The following STXBP5L variants were observed in gnomAD, a reference collection of about 807,000 sequenced individuals.
STXBP5L encodes the protein syntaxin-binding protein 5-like.
STXBP5L carries 65 observed loss-of-function variants against 144.5 expected under a neutral mutation model. The observed-to-expected ratio is 0.45, with a 90% CI of 0.37 to 0.55. The LOEUF (loss-of-function observed/expected upper bound fraction) is 0.55. Ranked by LOEUF, STXBP5L falls within the 20% of genes least tolerant of loss-of-function variation. The probability of loss-of-function intolerance (pLI) is 0.00; values close to 1 mark genes in which losing one functional copy is unlikely to be tolerated. For synonymous variants in STXBP5L, 505 were observed against 469.6 expected (o/e 1.08, Z -0.97); for missense variants, 1,298 against 1,405.5 (o/e 0.92, Z 1.22).
At chr3:121,293,036 A>C (rs112679125) in intron 19 of STXBP5L, among the ~76,000 whole-genome samples, 2,515 of 152,324 alleles carry the variant, frequency 0.017, 64 homozygotes, top group African/African-American at 0.057. Context: ...AAACGAAAAA[A>C]AAATTTTAAA....
chr3:121,067,952 T>A (rs1007685421), intron 5 of STXBP5L, among the ~76,000 whole-genome samples: 1 of 152,272 alleles, frequency 6.6e-6, no homozygotes, highest in African/African-American at 2.4e-5. Context: ...TATATTATTG[T>A]CAATGTCTTC....
At chr3:121,107,818 A>G (rs941333421) in intron 5 of STXBP5L, among the ~76,000 whole-genome samples, 7 of 152,170 alleles carry the variant, frequency 4.6e-5, no homozygotes, top group Non-Finnish European at 8.8e-5. Context: ...GGCCATTTTC[A>G]CAATATTGAT....
chr3:120,966,561 G>A (rs1939603846), intron 3 of STXBP5L, among the ~76,000 whole-genome samples: 1 of 152,132 alleles, frequency 6.6e-6, no homozygotes, highest in South Asian at 2.1e-4. Flanking sequence ...GTCTTTTGGA[G>A]TTTGCTGGAA....
chr3:121,015,826 TG>T (rs1157485848), intron 3 of STXBP5L, among the ~76,000 whole-genome samples: 1 of 152,190 alleles, frequency 6.6e-6, no homozygotes, highest in African/African-American at 2.4e-5. Flanking sequence ...TCTCATCAGA[TG>T]GGGGCAAAAG....
chr3:121,133,825 T>G (rs1470445697), intron 7 of STXBP5L, among the ~76,000 whole-genome samples: 1 of 152,116 alleles, frequency 6.6e-6, no homozygotes, highest in Non-Finnish European at 1.5e-5. Flanking sequence ...AAGCAAGGCA[T>G]GTCTTACATG....
intron 2 of STXBP5L, among the ~76,000 whole-genome samples, chr3:120,926,816 G>T (rs1424317968): frequency 2.0e-5 from 3 of 152,052 alleles, no homozygotes; most frequent in African/African-American, 7.2e-5. Flanking sequence ...TTTAGCTGTT[G>T]AGGGCCTCTA....
chr3:121,248,245 G>A (rs1006464605), intron 14 of STXBP5L, among the ~76,000 whole-genome samples: 11 of 152,034 alleles, frequency 7.2e-5, no homozygotes, highest in Admixed American at 5.2e-4. Flanking sequence ...TGCACTTTTA[G>A]TAGAGACAGG....
At chr3:120,956,623 T>C (rs1938064856) in intron 3 of STXBP5L, among the ~76,000 whole-genome samples, 1 of 151,950 alleles carries the variant, frequency 6.6e-6, no homozygotes, top group South Asian at 2.1e-4. Context: ...ATGAATAATA[T>C]TGCTATGAAC....
At chr3:121,078,914 C>G (rs2042140734) in intron 5 of STXBP5L, among the ~76,000 whole-genome samples, 2 of 152,256 alleles carry the variant, frequency 1.3e-5, no homozygotes. Context: ...ACGCGCAGCC[C>G]CAGTTCCCAC....
At chr3:121,347,089 T>C (rs2045024680) in intron 20 of STXBP5L, among the ~76,000 whole-genome samples, 1 of 152,242 alleles carries the variant, frequency 6.6e-6, no homozygotes. Context: ...GTTTTAGGTC[T>C]AACATTTAAG....
At chr3:120,994,770 T>A (rs1025938030) in intron 3 of STXBP5L, among the ~76,000 whole-genome samples, 6 of 152,130 alleles carry the variant, frequency 3.9e-5, no homozygotes, top group African/African-American at 1.2e-4. Context: ...CTGGTTTTTT[T>A]AATCAGGGTA....
Position 121,384,116 on chromosome 3 carries a change from C to T in STXBP5L, c.2587+2584C>T, listed in dbSNP as rs147814822. Among the ~76,000 whole-genome samples, 277 of 152,214 alleles carry T rather than the reference C, an allele frequency of 1.8e-3. 2 individuals carry two copies. The highest frequency in any genetic ancestry group is 6.3e-3 in the African/African-American group (263 of 41,554). ...GAAATTTATCCACTCATTCAACAAA[C>T]ATTTACCAAGCCCATACCACCGAAA... On this transcript the variant is annotated intron_variant, in intron 22 of 26. Coordinates refer to ENST00000471454, the MANE Select transcript of STXBP5L (RefSeq NM_001308330.2).
chr3:121,420,348 T>C lies in STXBP5L; in HGVS notation c.*1251T>C, dbSNP rs1038144317. On this transcript the variant is annotated 3_prime_UTR_variant, in exon 27 of 27. Transcript: ENST00000471454. ...GCTATCTTGGTCTCAGTCATCATTA[T>C]AGACAATAGAAATACATAAAGAGTT... is the stretch of plus-strand genomic sequence containing the variant. The C allele has an allele frequency of 3.3e-5, 5 of 152,180 alleles. No homozygotes were observed. The highest frequency in any genetic ancestry group is 4.8e-5 in the African/African-American group (2 of 41,442). 9.4% of individuals were successfully genotyped at this position (152,180 alleles called of 1,614,324 possible). A position where few individuals can be genotyped will look rare whatever the true frequency, so the allele number is the denominator to read the frequency against.
chr3:121,051,121 C>T (rs1362673314), intron 5 of STXBP5L, among the ~76,000 whole-genome samples: 19 of 152,094 alleles, frequency 1.2e-4, no homozygotes, highest in African/African-American at 4.6e-4. Context: ...CTTAGACTCC[C>T]ACACAATAAT....
chr3:121,211,578 CT>C (rs1188424283), intron 10 of STXBP5L, among the ~76,000 whole-genome samples: 50 of 110,266 alleles, frequency 4.5e-4, no homozygotes, highest in Non-Finnish European at 5.7e-4. Context: ...TTTTTTCTTT[CT>C]TTTTTTTTTT....
At chr3:121,027,847 A>G (rs1047826493) in intron 3 of STXBP5L, among the ~76,000 whole-genome samples, 6 of 152,028 alleles carry the variant, frequency 3.9e-5, no homozygotes, top group African/African-American at 1.4e-4. Flanking sequence ...GCATTATTCT[A>G]CCTACTACAC....
rs565724555 is a variant in STXBP5L at position 121,032,643 on chromosome 3, C to A, written c.288-9057C>A. Among the ~76,000 whole-genome samples, 267 of 125,868 alleles carry A rather than the reference C, an allele frequency of 2.1e-3. 1 individual carries two copies. Among genetic ancestry groups the A allele is most frequent in the African/African-American group, 7.1e-3 (231 of 32,532 alleles). 82.6% of individuals were successfully genotyped at this position (125,868 alleles called of 152,430 possible). A position where few individuals can be genotyped will look rare whatever the true frequency, so the allele number is the denominator to read the frequency against. ...ATCAGAGTGAACAGGCAACCTACAA[C>A]ATGGGAGAAAATTTTCGCAACCTAC... On this transcript the variant is annotated intron_variant, in intron 3 of 26. Transcript: ENST00000471454.
intron 20 of STXBP5L, among the ~76,000 whole-genome samples, chr3:121,350,424 A>T (rs1422798012): frequency 6.6e-6 from 1 of 151,968 alleles, no homozygotes; most frequent in Non-Finnish European, 1.5e-5. Flanking sequence ...GGTGAATCTG[A>T]CAATTATGTG....
intron 2 of STXBP5L, among the ~76,000 whole-genome samples, chr3:120,942,273 T>C (rs1710603915): frequency 6.6e-6 from 1 of 151,718 alleles, no homozygotes; most frequent in African/African-American, 2.4e-5. Context: ...GGGATTTTAT[T>C]GTCACAGCTA....
Sources: allele counts gnomAD v4.1 joint callset (sites outside exome capture counted in the v4.1 genomes callset), GRCh38; gene constraint gnomAD v4.1.1; transcripts MANE v1.5; gene names NCBI Gene and HGNC (gene_info 2026-07-23, HGNC 2026-07-21).